Variants in MBOAT2 observed in about 807,000 individuals in gnomAD.
The protein encoded by MBOAT2 is membrane bound glycerophospholipid O-acyltransferase 2, also known as membrane-bound glycerophospholipid O-acyltransferase 2.
A neutral mutation model predicts 63.4 loss-of-function variants in MBOAT2; 28 were observed. The ratio of observed to expected loss-of-function variants is 0.44; its 90% CI spans 0.33 to 0.61. MBOAT2 has a LOEUF of 0.61. Ranked by LOEUF, MBOAT2 falls within the 20% of genes least tolerant of loss-of-function variation. The pLI, the probability that MBOAT2 is intolerant of heterozygous loss-of-function variation, is 0.03. For missense variants in MBOAT2, 470 were observed against 605.8 expected, an observed-to-expected ratio of 0.78 and a Z score of 2.35; for synonymous variants, 211 against 215.6, an observed-to-expected ratio of 0.98 and a Z score of 0.19.
intron 1 of MBOAT2, among the ~76,000 whole-genome samples, chr2:8,971,420 G>C (rs1670445047): frequency 6.6e-6 from 1 of 152,156 alleles, no homozygotes; most frequent in Non-Finnish European, 1.5e-5. Context: ...ATACTGAATG[G>C]ACAAAAACTG....
At chr2:8,872,125 T>C (rs1662371349) in intron 8 of MBOAT2, among the ~76,000 whole-genome samples, 1 of 152,226 alleles carries the variant, frequency 6.6e-6, no homozygotes, top group Non-Finnish European at 1.5e-5. Flanking sequence ...CCATTTCACC[T>C]GACCAGGTCC....
chr2:8,875,970 A>G (rs1449113821), intron 7 of MBOAT2, among the ~76,000 whole-genome samples: 1 of 152,258 alleles, frequency 6.6e-6, no homozygotes, highest in African/African-American at 2.4e-5. Context: ...TTTGTTGCCC[A>G]CACAGTGGAG....
At chr2:8,966,813 T>C (rs767642261) in intron 1 of MBOAT2, among the ~76,000 whole-genome samples, 5 of 152,154 alleles carry the variant, frequency 3.3e-5, no homozygotes, top group Admixed American at 2.0e-4. Flanking sequence ...TCTTACAGGA[T>C]TGAAAATAGT....
rs770723802 is a variant in MBOAT2, at chr2:8,873,189, C to T, written c.802G>A (p.Ala268Thr). 4 of 1,614,132 alleles carry T rather than the reference C, an allele frequency of 2.5e-6. No homozygotes were observed. Among genetic ancestry groups the T allele is most frequent in the Non-Finnish European group, 3.4e-6 (4 of 1,180,022 alleles). Reference protein sequence around the residue: ...YNIDEHFQATASWPTKIIYLY... With the variant: ...YNIDEHFQATTSWPTKIIYLY... ...TAGATAATCTTTGTTGGCCACGAAG[C>T]TGTAGCTTGAAAATGCTCATCAATG... Residue 268 changes from alanine to threonine, a missense_variant, in exon 8 of 13, where the codon GCT becomes ACT. Ala to Thr is a moderately conservative substitution (Grantham distance 58). Coordinates refer to ENST00000305997, the MANE Select transcript of MBOAT2 (RefSeq NM_138799.4).
At chr2:8,865,056 TCAC>T (rs780322796) in intron 9 of MBOAT2, among the ~76,000 whole-genome samples, 27 of 152,164 alleles carry the variant, frequency 1.8e-4, no homozygotes, top group African/African-American at 6.3e-4. Flanking sequence ...GTGCAGAGTA[TCAC>T]CACATTTCAG....
intron 1 of MBOAT2, among the ~76,000 whole-genome samples, chr2:9,001,679 C>T (rs1204267468): frequency 1.3e-5 from 2 of 152,196 alleles, no homozygotes; most frequent in African/African-American, 4.8e-5. Flanking sequence ...CCTTGATTCT[C>T]CTGCTTACTT....
chr2:8,977,666 T>C (rs1451585356), intron 1 of MBOAT2, among the ~76,000 whole-genome samples: 1 of 152,168 alleles, frequency 6.6e-6, no homozygotes, highest in Admixed American at 6.6e-5. Context: ...CATTTTAGTC[T>C]TGACCTCTCT....
At chr2:8,994,378 G>A (rs575437000) in intron 1 of MBOAT2, among the ~76,000 whole-genome samples, 1 of 152,344 alleles carries the variant, frequency 6.6e-6, no homozygotes, top group South Asian at 2.1e-4. Flanking sequence ...AGTTGGAGGG[G>A]TACTCACATA....
intron 3 of MBOAT2, among the ~76,000 whole-genome samples, chr2:8,912,294 G>A (rs962327870): frequency 2.8e-5 from 3 of 106,046 alleles, no homozygotes; most frequent in African/African-American, 1.1e-4. Context: ...AGAAGGAAAA[G>A]AAAGAAAAGA....
At chr2:8,868,634 C>T in intron 8 of MBOAT2, 85 bp from the exon 9 acceptor site, 3 of 1,066,480 alleles carry the variant, frequency 2.8e-6, no homozygotes, top group Non-Finnish European at 4.2e-6. Flanking sequence ...GTTATTATAT[C>T]TTTTATTCTT....
At chr2:8,863,004 T>C (rs1484480004) in intron 10 of MBOAT2, among the ~76,000 whole-genome samples, 2 of 152,176 alleles carry the variant, frequency 1.3e-5, no homozygotes, top group African/African-American at 2.4e-5. Context: ...TTTGGGAGTC[T>C]ATACAATTTA....
Position 8,862,499 on chromosome 2 carries a change from A to C in MBOAT2, c.1185+91T>G. 1 of 1,475,346 alleles carries C rather than the reference A, an allele frequency of 6.8e-7. No individual in the cohort carries two copies. Among genetic ancestry groups the C allele is most frequent in the South Asian group, 1.3e-5 (1 of 76,328 alleles). The allele number at this position is 1,475,346 out of a possible 1,614,324, so 91.4% of individuals were successfully genotyped here. ...GGACAATACTGACCACGACCAAGGA[A>C]AGAGGGTCTACCTTGTAAGAGAGAT... On this transcript the variant is annotated intron_variant, in intron 11 of 12. Transcript: ENST00000305997. The surrounding 1 kb of genome is among the most constrained non-coding windows in gnomAD (Gnocchi z 4.3).
intron 1 of MBOAT2, among the ~76,000 whole-genome samples, chr2:8,965,154 T>C (rs2103293274): frequency 6.6e-6 from 1 of 152,342 alleles, no homozygotes; most frequent in South Asian, 2.1e-4. Flanking sequence ...GGTTTAGTTT[T>C]TTTAAAAAAC....
At chr2:8,959,246 A>C (rs1669447498) in intron 1 of MBOAT2, among the ~76,000 whole-genome samples, 1 of 152,310 alleles carries the variant, frequency 6.6e-6, no homozygotes, top group South Asian at 2.1e-4. Context: ...GAATTAGATA[A>C]GGGACAAAGC....
At chr2:8,905,150 A>C (rs778692392) in intron 4 of MBOAT2, among the ~76,000 whole-genome samples, 17 of 152,184 alleles carry the variant, frequency 1.1e-4, no homozygotes, top group Non-Finnish European at 1.8e-4. Context: ...CAGCACCAAG[A>C]GTGAGTCACT....
Position 8,917,364 on chromosome 2 carries a change from G to A in MBOAT2, c.300-8648C>T, listed in dbSNP as rs542348205. 2.0e-5 allele frequency among the ~76,000 whole-genome samples: 3 copies of A among 151,804 alleles called. No homozygotes were observed. The East Asian group carries it at 5.8e-4, about 29-fold the overall frequency. ...TTCATAATTTATCTATCTGACAAAG[G>A]ACTTATATCCAAAACATAGAAATAA... On this transcript the variant is annotated intron_variant, in intron 3 of 12. Coordinates refer to ENST00000305997, the MANE Select transcript of MBOAT2 (RefSeq NM_138799.4).
chr2:8,891,781 C>A (rs1474743396), intron 4 of MBOAT2, among the ~76,000 whole-genome samples: 3 of 152,136 alleles, frequency 2.0e-5, no homozygotes, highest in Non-Finnish European at 4.4e-5. Flanking sequence ...TTTGGAACTT[C>A]CAGAGTGAGG....
At position 8,868,553 on chromosome 2, in the gene MBOAT2, T is replaced by A. The variant is rs371600048; in HGVS notation, c.884-4A>T. ...GCAGCATTATTAATGGCATCAGCTA[T>A]AGAAAACAACATTAGAAAAAAGTAT... On this transcript the variant is annotated splice_region_variant and splice_polypyrimidine_tract_variant and intron_variant, in intron 8 of 12. Coordinates refer to ENST00000305997, the MANE Select transcript of MBOAT2 (RefSeq NM_138799.4). 1.1e-5 allele frequency: 17 copies of A among 1,607,928 alleles called. No homozygotes were observed. Among genetic ancestry groups the A allele is most frequent in the Non-Finnish European group, 1.4e-5 (17 of 1,177,048 alleles).
rs956846707 is a variant in MBOAT2, at chr2:8,992,871, C to T, written c.75+10669G>A. ...GAGCTTTCCCCACTCCACAGGGACA[C>T]GGGTTTACCTGTTCCTTTGAGCTGC... On this transcript the variant is annotated intron_variant, in intron 1 of 12. Coordinates refer to ENST00000305997, the MANE Select transcript of MBOAT2 (RefSeq NM_138799.4). Among the ~76,000 whole-genome samples, 7 of 152,168 alleles carry T rather than the reference C, an allele frequency of 4.6e-5. No individual in the cohort carries two copies. The East Asian group carries it at 9.6e-4, about 21-fold the overall frequency.
Sources: gnomAD v4.1 joint callset for allele counts (sites outside exome capture counted in the v4.1 genomes callset) on GRCh38, gnomAD v4.1.1 for gene constraint, Gnocchi (gnomAD v3.1) non-coding constraint, MANE v1.5 for transcripts, NCBI Gene and HGNC (gene_info 2026-07-23, HGNC 2026-07-21) for gene names.